Variants in NEK1 observed in about 807,000 individuals in gnomAD.
The protein encoded by NEK1 is serine/threonine-protein kinase Nek1.
NEK1 carries 137 observed loss-of-function variants against 182.1 expected under a neutral mutation model. The ratio of observed to expected loss-of-function variants is 0.75; its 90% CI spans 0.65 to 0.87. The LOEUF is 0.87. NEK1 is among the 40% of genes least tolerant of loss of function. The pLI is 0.00. For synonymous variants in NEK1, 513 were observed against 492.2 expected (o/e 1.04, Z -0.56); for missense variants, 1,391 against 1,494.4 (o/e 0.93, Z 1.14).
At chr4:169,542,419 G>T (rs532789982) in intron 18 of NEK1, among the ~76,000 whole-genome samples, 19 of 152,282 alleles carry the variant, frequency 1.2e-4, no homozygotes, top group African/African-American at 4.3e-4. Flanking sequence ...CATTTGGGTT[G>T]GTTCCAAGTC....
At chr4:169,540,885 C>T (rs553665946) in intron 18 of NEK1, among the ~76,000 whole-genome samples, 5 of 150,426 alleles carry the variant, frequency 3.3e-5, no homozygotes, top group Admixed American at 2.0e-4. Context: ...TTTTTTTTAG[C>T]CCTGACAAGA....
Position 169,398,012 on chromosome 4 carries a change from G to A in NEK1, c.3847+2213C>T, listed in dbSNP as rs767346069. Among the ~76,000 whole-genome samples the A allele has an allele frequency of 4.1e-4, 63 of 152,134 alleles. 1 individual carries two copies. Among genetic ancestry groups the A allele is most frequent in the Non-Finnish European group, 7.8e-4 (53 of 68,000 alleles). ...ATACACTCTACAGAATTACTGAAAT[G>A]GAATCATCCTCTGGCTTCGTGCCAT... On this transcript the variant is annotated intron_variant, in intron 35 of 35. Coordinates refer to ENST00000507142, the MANE Select transcript of NEK1 (RefSeq NM_001199397.3).
intron 29 of NEK1, 125 bp downstream of exon 29, chr4:169,433,420 G>A: frequency 3.4e-6 from 3 of 889,554 alleles, no homozygotes; most frequent in Middle Eastern, 7.2e-4. Flanking sequence ...TTCAAATTAA[G>A]TTCCTTTTAT....
intron 31 of NEK1, among the ~76,000 whole-genome samples, chr4:169,409,236 C>G (rs1172123717): frequency 6.6e-6 from 1 of 152,052 alleles, no homozygotes; most frequent in Non-Finnish European, 1.5e-5. Flanking sequence ...GCTCCGCCTC[C>G]CGGGTTCACG....
chr4:169,403,966 C>T (rs926467019), intron 32 of NEK1, among the ~76,000 whole-genome samples: 2 of 151,996 alleles, frequency 1.3e-5, no homozygotes, highest in South Asian at 2.1e-4. Context: ...ACTTGGTTTT[C>T]GAATTTTTCA....
chr4:169,510,142 C>A (rs918415165), intron 19 of NEK1, among the ~76,000 whole-genome samples: 3 of 152,088 alleles, frequency 2.0e-5, no homozygotes, highest in Non-Finnish European at 4.4e-5. Flanking sequence ...TGGCTTGTTG[C>A]TGAATGTCAA....
chr4:169,455,605 C>T (rs777614961), intron 27 of NEK1, among the ~76,000 whole-genome samples: 16 of 151,956 alleles, frequency 1.1e-4, no homozygotes, highest in South Asian at 4.2e-4. Flanking sequence ...ACTGGAGTAC[C>T]CATATATGTA....
rs557366575 is a variant in NEK1, at chr4:169,574,121, G to A, written c.1020+2807C>T. Reference sequence around the variant, plus strand: ...AGCAGTGAGCCATGACCGCACTACTGTCCTCTAGCCTGGGCAACAGAGCAA... The same window carrying A: ...AGCAGTGAGCCATGACCGCACTACTATCCTCTAGCCTGGGCAACAGAGCAA... On this transcript the variant is annotated intron_variant, in intron 12 of 35. Transcript: ENST00000507142. Among the ~76,000 whole-genome samples, 27 of 152,264 alleles carry A rather than the reference G, an allele frequency of 1.8e-4. No homozygotes were observed. In the South Asian group the frequency reaches 5.2e-3, roughly 29 times the overall value.
intron 23 of NEK1, among the ~76,000 whole-genome samples, chr4:169,493,513 A>T (rs1750521686): frequency 6.6e-6 from 1 of 152,210 alleles, no homozygotes; most frequent in Non-Finnish European, 1.5e-5. Context: ...ACAAGATCTG[A>T]GAGGAAGTTG....
chr4:169,566,811 A>C (rs1238877814), intron 12 of NEK1, among the ~76,000 whole-genome samples: 3 of 152,178 alleles, frequency 2.0e-5, no homozygotes, highest in Non-Finnish European at 2.9e-5. Context: ...ATAAAAAAAA[A>C]TCAAGGGAAA....
At chr4:169,577,474 G>A (rs2150036357) in intron 11 of NEK1, among the ~76,000 whole-genome samples, 1 of 152,242 alleles carries the variant, frequency 6.6e-6, no homozygotes, top group East Asian at 1.9e-4. Context: ...CAATAGAGCT[G>A]TTAAAAATAA....
chr4:169,427,069 G>T (rs1400439945), intron 29 of NEK1, among the ~76,000 whole-genome samples: 2 of 151,920 alleles, frequency 1.3e-5, no homozygotes. Context: ...TAGCTTATAG[G>T]TAAGTTTTTA....
At chr4:169,531,904 A>G (rs1343035695) in intron 19 of NEK1, among the ~76,000 whole-genome samples, 1 of 152,236 alleles carries the variant, frequency 6.6e-6, no homozygotes, top group Non-Finnish European at 1.5e-5. Flanking sequence ...ATCAACAGAG[A>G]AATTGAACAA....
chr4:169,431,892 T>C (rs978920460), intron 29 of NEK1, among the ~76,000 whole-genome samples: 4 of 151,358 alleles, frequency 2.6e-5, no homozygotes. Context: ...CAATAAAAGA[T>C]AAACAAAAAT....
intron 27 of NEK1, among the ~76,000 whole-genome samples, chr4:169,459,390 A>T (rs78693956): frequency 0.012 from 1,819 of 152,284 alleles, 31 homozygotes; most frequent in African/African-American, 0.041. Flanking sequence ...GACAACACCA[A>T]ATGCTGGAGA....
chr4:169,444,022 G>C (rs576898755), intron 27 of NEK1, among the ~76,000 whole-genome samples: 1 of 152,260 alleles, frequency 6.6e-6, no homozygotes, highest in South Asian at 2.1e-4. Flanking sequence ...TTCAACAGCA[G>C]ACTGATCCTA....
At chr4:169,605,806 C>T (rs1333680732) in intron 2 of NEK1, among the ~76,000 whole-genome samples, 2 of 152,084 alleles carry the variant, frequency 1.3e-5, no homozygotes, top group Admixed American at 1.3e-4. Context: ...ATAATTATAT[C>T]AATTCAATCT....
intron 23 of NEK1, among the ~76,000 whole-genome samples, chr4:169,505,861 C>T (rs1257163389): frequency 6.6e-6 from 1 of 151,770 alleles, no homozygotes; most frequent in African/African-American, 2.4e-5. Flanking sequence ...GAAAAAAAAC[C>T]TTTAAAGATT....
chr4:169,547,991 C>T (rs865878135), intron 18 of NEK1, among the ~76,000 whole-genome samples: 23 of 152,326 alleles, frequency 1.5e-4, no homozygotes, highest in South Asian at 4.1e-4. Context: ...CAAACTCATT[C>T]TCTGTCCAGT....
Sources: gnomAD v4.1 joint callset for allele counts (sites outside exome capture counted in the v4.1 genomes callset) on GRCh38, gnomAD v4.1.1 for gene constraint, MANE v1.5 for transcripts, NCBI Gene and HGNC (gene_info 2026-07-23, HGNC 2026-07-21) for gene names.